ROBO2: variants seen among roughly 807,000 people sequenced by gnomAD.
ROBO2 encodes the protein roundabout homolog 2.
In ROBO2, 53 loss-of-function variants were observed where a neutral mutation model predicts 160.8. That is an observed-to-expected ratio of 0.33 (90% CI 0.26 to 0.41). ROBO2 has a LOEUF of 0.41. Ranked by LOEUF, ROBO2 falls within the 10% of genes least tolerant of loss-of-function variation. The probability of loss-of-function intolerance (pLI) is 1.00; values close to 1 mark genes in which losing one functional copy is unlikely to be tolerated. For missense variants in ROBO2, 1,577 were observed against 1,722.4 expected, an observed-to-expected ratio of 0.92 and a Z score of 1.49; for synonymous variants, 664 against 611.7, an observed-to-expected ratio of 1.09 and a Z score of -1.26.
rs116179390 is a variant in ROBO2 at position 77,274,667 on chromosome 3, C to T, written c.388+176327C>T. ...GGAAAGAATGAACTTTAAGATGTGG[C>T]ATCTCTTCCAAGTTGTATTAGGAAA... On this transcript the variant is annotated intron_variant, in intron 2 of 25. Transcript: ENST00000461745. Among the ~76,000 whole-genome samples the T allele has an allele frequency of 2.6e-3, 390 of 152,212 alleles. 5 individuals are homozygous for T. The highest frequency in any genetic ancestry group is 8.4e-3 in the African/African-American group (347 of 41,552).
At chr3:76,058,044 G>A (rs2067914960) in intron 2 of ROBO2, among the ~76,000 whole-genome samples, 1 of 152,150 alleles carries the variant, frequency 6.6e-6, no homozygotes, top group Non-Finnish European at 1.5e-5. Flanking sequence ...TGTTATTTTA[G>A]GAGGATAGTG....
chr3:76,020,242 T>C (rs1189758001), intron 2 of ROBO2, among the ~76,000 whole-genome samples: 1 of 151,922 alleles, frequency 6.6e-6, no homozygotes, highest in Non-Finnish European at 1.5e-5. Flanking sequence ...TTTTATCCTT[T>C]GTGTATCAGT....
intron 1 of ROBO2, among the ~76,000 whole-genome samples, chr3:75,921,963 A>G (rs772247682): frequency 2.0e-5 from 3 of 152,180 alleles, no homozygotes; most frequent in Non-Finnish European, 4.4e-5. Context: ...CATGTTTTAT[A>G]CTACTCAGAC....
intron 2 of ROBO2, among the ~76,000 whole-genome samples, chr3:77,025,744 C>T (rs1297540200): frequency 3.3e-5 from 5 of 152,138 alleles, no homozygotes; most frequent in East Asian, 1.9e-4. Context: ...GGGAATTACA[C>T]GTGCAAATCC....
chr3:76,406,794 C>T (rs925544682), intron 2 of ROBO2, among the ~76,000 whole-genome samples: 10 of 151,760 alleles, frequency 6.6e-5, no homozygotes, highest in Non-Finnish European at 1.2e-4. Flanking sequence ...TTTTGTAGGT[C>T]CAGTCTATTT....
chr3:77,083,545 C>T (rs2068915767), intron 1 of ROBO2, among the ~76,000 whole-genome samples: 1 of 151,916 alleles, frequency 6.6e-6, no homozygotes, highest in African/African-American at 2.4e-5. Flanking sequence ...AAAGAACATA[C>T]CTGGAAGAGA....
intron 2 of ROBO2, among the ~76,000 whole-genome samples, chr3:77,286,347 C>G (rs1161363259): frequency 6.6e-6 from 1 of 151,266 alleles, no homozygotes; most frequent in Non-Finnish European, 1.5e-5. Flanking sequence ...ACCTCCACCT[C>G]CCAAGTTCGA....
At chr3:76,339,577 T>A (rs2074094583) in intron 2 of ROBO2, among the ~76,000 whole-genome samples, 1 of 152,136 alleles carries the variant, frequency 6.6e-6, no homozygotes, top group Non-Finnish European at 1.5e-5. Context: ...TATGTGTTAA[T>A]TTCCTCTTCC....
chr3:77,328,530 A>G (rs1164514791), intron 2 of ROBO2, among the ~76,000 whole-genome samples: 1 of 152,136 alleles, frequency 6.6e-6, no homozygotes, highest in Non-Finnish European at 1.5e-5. Flanking sequence ...ATCATTTTGT[A>G]TATGCTGTTT....
intron 2 of ROBO2, among the ~76,000 whole-genome samples, chr3:76,901,605 A>G (rs1427905761): frequency 6.7e-6 from 1 of 150,008 alleles, no homozygotes; most frequent in East Asian, 2.0e-4. Context: ...AGAAGTAGGT[A>G]ATATATAATA....
intron 2 of ROBO2, among the ~76,000 whole-genome samples, chr3:77,433,520 T>TATATATATATATATATATATATATATATA: frequency 1.2e-5 from 1 of 84,030 alleles, no homozygotes; most frequent in African/African-American, 4.0e-5. Flanking sequence ...ATATATATAT[T>TATATATATATATATATATATATATATATA]TCTCCTTCAT....
intron 2 of ROBO2, among the ~76,000 whole-genome samples, chr3:76,099,306 A>G (rs1200405259): frequency 6.6e-6 from 1 of 152,078 alleles, no homozygotes; most frequent in Admixed American, 6.6e-5. Flanking sequence ...TTTAAGGATA[A>G]TATATTTAGT....
chr3:77,634,916 T>A (rs1422123197), exon 24 of ROBO2: 1 of 1,613,970 alleles, frequency 6.2e-7, no homozygotes, highest in Non-Finnish European at 8.5e-7. Flanking sequence ...CCAGCCCATT[T>A]TCTACTGACA....
chr3:77,026,064 T>C (rs1201235976), intron 2 of ROBO2, among the ~76,000 whole-genome samples: 1 of 152,248 alleles, frequency 6.6e-6, no homozygotes, highest in Non-Finnish European at 1.5e-5. Context: ...TATGTGCATA[T>C]GCTTGGTGTT....
intron 2 of ROBO2, among the ~76,000 whole-genome samples, chr3:77,141,287 C>T (rs1313753412): frequency 6.6e-6 from 1 of 151,730 alleles, no homozygotes; most frequent in Non-Finnish European, 1.5e-5. Context: ...TATAAAGCCC[C>T]CCCCCCTTGT....
chr3:76,883,147 TA>T (rs1053569516), intron 2 of ROBO2, among the ~76,000 whole-genome samples: 2 of 152,110 alleles, frequency 1.3e-5, no homozygotes, highest in African/African-American at 4.8e-5. Context: ...TTTTAATTAC[TA>T]AAAAATACCC....
chr3:76,436,181 C>CACACACA (rs1559941598), intron 2 of ROBO2, among the ~76,000 whole-genome samples: 1 of 151,252 alleles, frequency 6.6e-6, no homozygotes, highest in Non-Finnish European at 1.5e-5. Context: ...CACACACACA[C>CACACACA]CATTTCTTTT....
At position 76,252,990 on chromosome 3, in the gene ROBO2, A is replaced by G. The variant is rs182486490; in HGVS notation, c.109+315388A>G. 2.3e-3 allele frequency among the ~76,000 whole-genome samples: 356 copies of G among 152,118 alleles called. 3 individuals are homozygous for G. Among genetic ancestry groups the G allele is most frequent in the African/African-American group, 8.2e-3 (340 of 41,526 alleles). On this transcript the variant is annotated intron_variant, in intron 2 of 26. Coordinates refer to the ROBO2 transcript ENST00000487694. Reference sequence around the variant, plus strand: ...GTTAAGGTTTTGAACTGATTTGACAAGGCCCCCCCACATTATCAAACATAT... The same window carrying G: ...GTTAAGGTTTTGAACTGATTTGACAGGGCCCCCCCACATTATCAAACATAT...
intron 24 of ROBO2, among the ~76,000 whole-genome samples, chr3:77,637,600 T>C (rs1484509777): frequency 6.6e-6 from 1 of 152,208 alleles, no homozygotes; most frequent in African/African-American, 2.4e-5. Flanking sequence ...AGTGTTCATC[T>C]AATTCTTCGT....
Sources: gnomAD v4.1 joint callset for allele counts (sites outside exome capture counted in the v4.1 genomes callset) on GRCh38, gnomAD v4.1.1 for gene constraint, MANE v1.5 for transcripts, NCBI Gene and HGNC (gene_info 2026-07-23, HGNC 2026-07-21) for gene names.